Variants in WDPCP observed in about 807,000 individuals in gnomAD.
WDPCP encodes the protein WD repeat containing planar cell polarity effector, also known as WD repeat-containing and planar cell polarity effector protein fritz homolog.
Under a neutral mutation model 93.1 loss-of-function variants are expected in WDPCP, and 71 were observed. The ratio of observed to expected loss-of-function variants is 0.76; its 90% CI spans 0.63 to 0.93. The LOEUF is 0.93. Among genes scored for constraint, WDPCP ranks in the 40% least tolerant of loss-of-function variants. WDPCP has a pLI of 0.00. For missense variants in WDPCP, 844 were observed against 887.4 expected (o/e 0.95, Z 0.62); for synonymous variants, 315 against 315.0 (o/e 1.00, Z 0.00).
At chr2:63,611,241 T>C (rs1043961619) in intron 3 of WDPCP, among the ~76,000 whole-genome samples, 1 of 152,266 alleles carries the variant, frequency 6.6e-6, no homozygotes, top group African/African-American at 2.4e-5. Context: ...TTCAATCTTT[T>C]ACTACTATAA....
chr2:63,242,378 T>A (rs993344156), intron 14 of WDPCP, among the ~76,000 whole-genome samples: 3 of 152,226 alleles, frequency 2.0e-5, no homozygotes, highest in African/African-American at 4.8e-5. Flanking sequence ...AAAGGATTTC[T>A]TTTATATTTT....
chr2:63,471,257 G>C (rs1373924899), intron 6 of WDPCP, among the ~76,000 whole-genome samples: 1 of 152,186 alleles, frequency 6.6e-6, no homozygotes, highest in Non-Finnish European at 1.5e-5. Flanking sequence ...AATATGCATT[G>C]AGTGAATGAA....
chr2:63,833,563 T>C, the WDPCP span, among the ~76,000 whole-genome samples: 4 of 152,334 alleles, frequency 2.6e-5, no homozygotes, highest in African/African-American at 9.6e-5. Context: ...GGAGATTCTT[T>C]TGAAGAGACT....
intron 3 of WDPCP, among the ~76,000 whole-genome samples, chr2:63,630,232 C>T (rs923797383): frequency 3.3e-5 from 5 of 151,854 alleles, no homozygotes; most frequent in Non-Finnish European, 5.9e-5. Flanking sequence ...AAACAAAACC[C>T]GGAGGAAACA....
rs776780491 is a variant in WDPCP at position 63,313,260 on chromosome 2, AC to A, written c.1799del (p.Arg600LeufsTer12). On this transcript the variant is annotated frameshift_variant, in exon 13 of 18. Coordinates refer to ENST00000272321, the MANE Select transcript of WDPCP (RefSeq NM_015910.7). LOFTEE classifies it high-confidence loss of function. ...AFLLAVDVGA[R>X]DLFMDIHYLA... ...GAAAATGACTCACCATAAAGAGGTC[AC>A]GAGCACCAACGTCAACAGCTAGGAG... The A allele has an allele frequency of 9.3e-6, 15 of 1,613,620 alleles. No homozygotes were observed. The highest frequency in any genetic ancestry group is 1.3e-5 in the Non-Finnish European group (15 of 1,179,734).
chr2:63,417,295 G>A (rs1239869183), intron 9 of WDPCP, among the ~76,000 whole-genome samples: 3 of 152,110 alleles, frequency 2.0e-5, no homozygotes, highest in Non-Finnish European at 4.4e-5. Context: ...GATGTAGCTT[G>A]GAAGTTAATA....
intron 15 of WDPCP, among the ~76,000 whole-genome samples, chr2:63,170,059 A>ATT (rs545470006): frequency 6.9e-6 from 1 of 144,510 alleles, no homozygotes; most frequent in African/African-American, 2.6e-5. Flanking sequence ...TGCCAGGCTA[A>ATT]TTTTTTTTTT....
chr2:63,165,834 GTA>G (rs1418022536), intron 15 of WDPCP, among the ~76,000 whole-genome samples: 1 of 151,320 alleles, frequency 6.6e-6, no homozygotes, highest in East Asian at 1.9e-4. Context: ...TCTTAATTTT[GTA>G]TGTTTTGTTT....
intron 1 of WDPCP, among the ~76,000 whole-genome samples, chr2:63,580,592 A>G (rs1266741159): frequency 2.0e-5 from 3 of 152,184 alleles, no homozygotes; most frequent in African/African-American, 7.2e-5. Context: ...TCTCCAAAAA[A>G]CTAGCCTATA....
chr2:63,176,905 G>C (rs1673853431), intron 14 of WDPCP, among the ~76,000 whole-genome samples: 1 of 152,110 alleles, frequency 6.6e-6, no homozygotes, highest in Non-Finnish European at 1.5e-5. Context: ...TTATGTTTAG[G>C]TCTTTAATTC....
chr2:63,220,943 C>T (rs781272109), intron 14 of WDPCP, among the ~76,000 whole-genome samples: 4 of 152,100 alleles, frequency 2.6e-5, no homozygotes, highest in Non-Finnish European at 5.9e-5. Flanking sequence ...TTACAAGTGA[C>T]AACATGTAGT....
chr2:63,383,628 G>A (rs542875296), intron 10 of WDPCP, among the ~76,000 whole-genome samples: 202 of 152,192 alleles, frequency 1.3e-3, no homozygotes, highest in Middle Eastern at 3.4e-3. Flanking sequence ...CAGGAGAATC[G>A]CTTGCATCTG....
chr2:63,731,554 T>C (rs1164974340), intron 2 of WDPCP, among the ~76,000 whole-genome samples: 1 of 152,006 alleles, frequency 6.6e-6, no homozygotes, highest in Non-Finnish European at 1.5e-5. Flanking sequence ...GTTGGCAAAA[T>C]GGAGGAAAGT....
At chr2:63,347,487 G>C (rs1174290585) in intron 12 of WDPCP, among the ~76,000 whole-genome samples, 1 of 152,154 alleles carries the variant, frequency 6.6e-6, no homozygotes, top group Non-Finnish European at 1.5e-5. Flanking sequence ...GAGCCTGGCA[G>C]TCTTGCTCCA....
At chr2:63,366,639 A>T (rs1690935777) in intron 12 of WDPCP, among the ~76,000 whole-genome samples, 3 of 152,284 alleles carry the variant, frequency 2.0e-5, no homozygotes, top group South Asian at 4.1e-4. Context: ...AAATTAAGAA[A>T]CTGAAGCTAA....
intron 14 of WDPCP, among the ~76,000 whole-genome samples, chr2:63,189,552 CACAGTGTGTATATAGATCT>C (rs1388393806): frequency 2.0e-5 from 3 of 152,094 alleles, no homozygotes; most frequent in African/African-American, 7.2e-5. Flanking sequence ...ATATTATTTC[CACAGTGTGTATATAGATCT>C]ACATAGATAT....
intron 13 of WDPCP, among the ~76,000 whole-genome samples, chr2:63,275,784 A>G (rs181617151): frequency 1.2e-3 from 188 of 152,364 alleles, no homozygotes; most frequent in Middle Eastern, 6.8e-3. Flanking sequence ...CAGAAGATTT[A>G]ATCTCATTAA....
intron 13 of WDPCP, 35 bp downstream of exon 13, chr2:63,313,213 C>A: frequency 1.3e-6 from 2 of 1,596,398 alleles, no homozygotes; most frequent in Non-Finnish European, 1.7e-6. Flanking sequence ...AGCCTTAGAA[C>A]TGAAGGCACA....
At chr2:63,549,494 C>A (rs1162135638) in intron 1 of WDPCP, among the ~76,000 whole-genome samples, 1 of 152,050 alleles carries the variant, frequency 6.6e-6, no homozygotes, top group African/African-American at 2.4e-5. Context: ...CTCAGCAAAG[C>A]GCGGTGGCTC....
Sources: gnomAD v4.1 joint callset for allele counts (sites outside exome capture counted in the v4.1 genomes callset) on GRCh38, gnomAD v4.1.1 for gene constraint, MANE v1.5 for transcripts, NCBI Gene and HGNC (gene_info 2026-07-23, HGNC 2026-07-21) for gene names.